ZBBX: variants seen among roughly 807,000 people sequenced by gnomAD.
ZBBX encodes zinc finger B-box domain containing.
In ZBBX, 101 loss-of-function variants were observed where a neutral mutation model predicts 108.5. The ratio of observed to expected loss-of-function variants is 0.93; its 90% CI spans 0.79 to 1.10. ZBBX has a LOEUF of 1.10. Among genes scored for constraint, ZBBX ranks in the 50% least tolerant of loss-of-function variants. ZBBX has a pLI of 0.00. For synonymous variants in ZBBX, 356 were observed against 323.4 expected (o/e 1.10, Z -1.08); for missense variants, 1,009 against 941.4 (o/e 1.07, Z -0.94).
chr3:167,313,001 T>A (rs1576968462), intron 16 of ZBBX, among the ~76,000 whole-genome samples: 1 of 152,282 alleles, frequency 6.6e-6, no homozygotes, highest in Non-Finnish European at 1.5e-5. Context: ...AATCTAATAG[T>A]TAAAAGGAGG....
chr3:167,315,830 C>A lies in ZBBX; in HGVS notation c.1195-1G>T. 6.4e-7 allele frequency: 1 copy of A among 1,572,280 alleles called. No homozygotes were observed. Among genetic ancestry groups the A allele is most frequent in the South Asian group, 1.1e-5 (1 of 87,110 alleles). ...CTTCTTCAAATTCCTCTTCATAAGTCTTATTAAATTAATGTTATATAATAT... is the reference window on the plus strand; with the variant it reads ...CTTCTTCAAATTCCTCTTCATAAGTATTATTAAATTAATGTTATATAATAT... On this transcript the variant is annotated splice_acceptor_variant, in intron 14 of 21. Transcript: ENST00000675490. LOFTEE classifies it high-confidence loss of function.
intron 12 of ZBBX, 106 bp from the exon 13 acceptor site, chr3:167,317,703 T>A: frequency 1.5e-6 from 1 of 657,864 alleles, no homozygotes; most frequent in East Asian, 2.8e-5. Flanking sequence ...ACAAAATTAA[T>A]GATGAAACCG....
chr3:167,345,568 T>A (rs900076060), intron 9 of ZBBX, among the ~76,000 whole-genome samples: 2 of 151,886 alleles, frequency 1.3e-5, no homozygotes, highest in Non-Finnish European at 2.9e-5. Flanking sequence ...TAATTCCTTT[T>A]TTGGGAGAAC....
At chr3:167,397,408 T>C (rs376128846) in intron 1 of ZBBX, among the ~76,000 whole-genome samples, 8 of 151,964 alleles carry the variant, frequency 5.3e-5, no homozygotes, top group Admixed American at 1.3e-4. Flanking sequence ...TTCCAACATA[T>C]GCACATGCAC....
chr3:167,388,588 C>T (rs1167444930), intron 1 of ZBBX, among the ~76,000 whole-genome samples: 3 of 151,872 alleles, frequency 2.0e-5, no homozygotes, highest in African/African-American at 4.8e-5. Context: ...TGACACGATC[C>T]GACATAGCAA....
rs78444856 is a variant in ZBBX, at chr3:167,307,578, A to C, written c.1418-1628T>G. Among the ~76,000 whole-genome samples, 620 of 152,286 alleles carry C rather than the reference A, an allele frequency of 4.1e-3. 4 individuals are homozygous for C. The highest frequency in any genetic ancestry group is 0.014 in the Middle Eastern group (4 of 294). On this transcript the variant is annotated intron_variant, in intron 16 of 21. Coordinates refer to ENST00000675490, the MANE Select transcript of ZBBX (RefSeq NM_001199201.2). ...TACCCAACTTCAAACTATACTGAAGAGTTACCAAAATAGCATGGTACTGGT... is the reference window on the plus strand; with the variant it reads ...TACCCAACTTCAAACTATACTGAAGCGTTACCAAAATAGCATGGTACTGGT...
chr3:167,268,794 A>G (rs1350452275), intron 20 of ZBBX, among the ~76,000 whole-genome samples: 3 of 152,170 alleles, frequency 2.0e-5, no homozygotes, highest in African/African-American at 7.2e-5. Context: ...AGAAGAGATG[A>G]AGAGAAACAA....
At chr3:167,297,772 C>T (rs1731923548) in intron 18 of ZBBX, among the ~76,000 whole-genome samples, 2 of 151,894 alleles carry the variant, frequency 1.3e-5, no homozygotes, top group African/African-American at 4.8e-5. Context: ...ACTTATTAAG[C>T]ACATGAAAAG....
At chr3:167,243,729 T>A (rs1341123745) in intron 20 of ZBBX, among the ~76,000 whole-genome samples, 2 of 148,810 alleles carry the variant, frequency 1.3e-5, no homozygotes, top group Non-Finnish European at 1.5e-5. Flanking sequence ...AACATACATG[T>A]GTTCTACAGT....
intron 21 of ZBBX, 23 bp from the exon 22 acceptor site, chr3:167,240,942 A>G: frequency 6.2e-7 from 1 of 1,609,562 alleles, no homozygotes; most frequent in Non-Finnish European, 8.5e-7. Flanking sequence ...AACAAGATCA[A>G]TACACAATAT....
chr3:167,191,669 G>A, the ZBBX span, among the ~76,000 whole-genome samples: 1 of 151,830 alleles, frequency 6.6e-6, no homozygotes. Context: ...ACGTGGAACT[G>A]TGAGTCCAAT....
intron 20 of ZBBX, among the ~76,000 whole-genome samples, chr3:167,247,260 A>G (rs1170725985): frequency 5.9e-5 from 9 of 152,136 alleles, no homozygotes; most frequent in Non-Finnish European, 1.5e-5. Context: ...TCAAGCGATC[A>G]TGCTGGCAAA....
intron 16 of ZBBX, among the ~76,000 whole-genome samples, chr3:167,310,617 A>C (rs1576962449): frequency 6.6e-6 from 1 of 152,064 alleles, no homozygotes; most frequent in East Asian, 1.9e-4. Context: ...CACACTTTTA[A>C]ATCATCAGAG....
At chr3:167,283,520 T>C (rs1214408435) in intron 19 of ZBBX, among the ~76,000 whole-genome samples, 2 of 152,218 alleles carry the variant, frequency 1.3e-5, no homozygotes, top group East Asian at 3.8e-4. Flanking sequence ...CCTAATTTGA[T>C]GGAACCTATG....
At chr3:167,342,205 A>G (rs1375228717) in intron 9 of ZBBX, among the ~76,000 whole-genome samples, 1 of 151,870 alleles carries the variant, frequency 6.6e-6, no homozygotes, top group Non-Finnish European at 1.5e-5. Flanking sequence ...AACATATAGC[A>G]AACAAACTAC....
chr3:167,228,480 A>G, the ZBBX span, among the ~76,000 whole-genome samples: 1 of 151,922 alleles, frequency 6.6e-6, no homozygotes, highest in South Asian at 2.1e-4. Context: ...TTCAGACGAA[A>G]TATCTTTGAT....
intron 8 of ZBBX, among the ~76,000 whole-genome samples, chr3:167,353,292 A>G (rs2108508250): frequency 6.6e-6 from 1 of 152,248 alleles, no homozygotes; most frequent in South Asian, 2.1e-4. Context: ...TATACCATGG[A>G]ATACTACTCC....
intron 12 of ZBBX, among the ~76,000 whole-genome samples, chr3:167,319,233 A>G (rs1390828125): frequency 2.0e-5 from 3 of 152,048 alleles, no homozygotes; most frequent in Non-Finnish European, 4.4e-5. Context: ...AAGAACATGG[A>G]TGAATCTTAA....
At chr3:167,194,115 T>C in the ZBBX span, among the ~76,000 whole-genome samples, 1 of 151,816 alleles carries the variant, frequency 6.6e-6, no homozygotes, top group Non-Finnish European at 1.5e-5. Context: ...GATGAGAAGA[T>C]TCAAAATGTT....
Sources: allele counts gnomAD v4.1 joint callset (sites outside exome capture counted in the v4.1 genomes callset), GRCh38; gene constraint gnomAD v4.1.1; transcripts MANE v1.5; gene names NCBI Gene and HGNC (gene_info 2026-07-23, HGNC 2026-07-21).